Variants in AGPAT3 observed in about 807,000 individuals in gnomAD.
The protein encoded by AGPAT3 is 1-acylglycerol-3-phosphate O-acyltransferase 3, also known as 1-acyl-sn-glycerol-3-phosphate acyltransferase gamma.
Under a neutral mutation model 47.3 loss-of-function variants are expected in AGPAT3, and 5 were observed. The observed-to-expected ratio is 0.11, with a 90% CI of 0.06 to 0.22. The LOEUF is 0.22. Ranked by LOEUF, AGPAT3 falls within the 10% of genes least tolerant of loss-of-function variation. AGPAT3 has a pLI of 1.00. For missense variants in AGPAT3, 315 were observed against 493.0 expected (o/e 0.64, Z 3.42); for synonymous variants, 212 against 208.3 (o/e 1.02, Z -0.15).
rs542147346 is a variant in AGPAT3, at chr21:43,978,282, G to GTTTTGTTTTGTTTTTGT, written c.843+176_843+192dup. 1.6e-3 allele frequency among the ~76,000 whole-genome samples: 247 copies of GTTTTGTTTTGTTTTTGT among 152,248 alleles called. 1 individual carries two copies. Among genetic ancestry groups the GTTTTGTTTTGTTTTTGT allele is most frequent in the Non-Finnish European group, 2.7e-3 (181 of 68,022 alleles). On this transcript the variant is annotated intron_variant, in intron 8 of 9. Transcript: ENST00000291572. ...CCTTCTTTCATTTCTTCTTTCTGTT[G>GTTTTGTTTTGTTTTTGT]TTTTGTTTTGTTTTTGTTTTTGTTT... is the stretch of plus-strand genomic sequence containing the variant.
intron 1 of AGPAT3, among the ~76,000 whole-genome samples, chr21:43,884,459 G>A (rs977383528): frequency 1.3e-5 from 2 of 152,150 alleles, no homozygotes; most frequent in African/African-American, 4.8e-5. Context: ...CGAAAGAGCC[G>A]CACAGTCCCT....
chr21:43,916,540 AC>A (rs893841078), intron 2 of AGPAT3: 5 of 131,152 alleles, frequency 3.8e-5, no homozygotes, highest in African/African-American at 1.6e-4. Context: ...AAGATATTGA[AC>A]CCTTTTTTTT....
chr21:43,968,995 G>C, intron 4 of AGPAT3, 123 bp from the exon 5 acceptor site: 1 of 1,032,498 alleles, frequency 9.7e-7, no homozygotes, highest in East Asian at 2.6e-5. Context: ...GACCCCCTGA[G>C]CCACAAAGCC....
At chr21:43,897,345 A>G (rs7278539) in intron 1 of AGPAT3, among the ~76,000 whole-genome samples, 46,079 of 151,566 alleles carry the variant, frequency 0.3, 7,754 homozygotes, top group Non-Finnish European at 0.38. Context: ...GGAGTCTCCT[A>G]TGTCTACTTC....
In AGPAT3 at chr21:43,922,941, G is replaced by T. The variant is rs1490775414; in HGVS notation, c.-49+18922G>T. Among the ~76,000 whole-genome samples, 2 of 152,214 alleles carry T rather than the reference G, an allele frequency of 1.3e-5. No individual in the cohort carries two copies. The highest frequency in any genetic ancestry group is 2.9e-5 in the Non-Finnish European group (2 of 68,018). Reference sequence around the variant, plus strand: ...TGTCCCCAGCGGGGCGGGCTCTGGGGTGCGAGCGTCTGTTCTGTGTCAGGA... The same window carrying T: ...TGTCCCCAGCGGGGCGGGCTCTGGGTTGCGAGCGTCTGTTCTGTGTCAGGA... On this transcript the variant is annotated intron_variant, in intron 2 of 9. Coordinates refer to ENST00000291572, the MANE Select transcript of AGPAT3 (RefSeq NM_020132.5). This position sits in a 1 kb window ranked among gnomAD's most constrained non-coding sequence, Gnocchi z 4.9.
chr21:43,893,539 C>T (rs1458725959), intron 1 of AGPAT3, among the ~76,000 whole-genome samples: 1 of 152,268 alleles, frequency 6.6e-6, no homozygotes, highest in Non-Finnish European at 1.5e-5. Flanking sequence ...GCCCAAGAGG[C>T]CCAGCTTTCG....
intron 1 of AGPAT3, among the ~76,000 whole-genome samples, chr21:43,877,735 C>T (rs915413805): frequency 3.9e-5 from 6 of 152,108 alleles, no homozygotes; most frequent in Non-Finnish European, 4.4e-5. Context: ...TGAGCCACTG[C>T]GCCTGGCTGA....
At chr21:43,902,395 A>C (rs546131438) in intron 1 of AGPAT3, among the ~76,000 whole-genome samples, 36 of 152,378 alleles carry the variant, frequency 2.4e-4, no homozygotes, top group African/African-American at 8.4e-4. Context: ...AAAATATGCG[A>C]TATATACACT....
chr21:43,917,190 C>T (rs1049869138), intron 2 of AGPAT3, among the ~76,000 whole-genome samples: 48 of 150,706 alleles, frequency 3.2e-4, no homozygotes, highest in Non-Finnish European at 1.0e-4. Context: ...CCCCCACACA[C>T]GTACCGCTGT....
Position 43,869,273 on chromosome 21 carries a change from T to G in AGPAT3, c.-112+3928T>G, listed in dbSNP as rs185628782. 3.9e-5 allele frequency among the ~76,000 whole-genome samples: 6 copies of G among 152,342 alleles called. No homozygotes were observed. The East Asian group carries it at 1.2e-3, about 29-fold the overall frequency. On this transcript the variant is annotated intron_variant, in intron 1 of 9. Transcript: ENST00000291572. Reference sequence around the variant, plus strand: ...CTCATGTGAAGAATGTGCTGATGATTGGGTTAAGCTTTTCATAGATTGATT... The same window carrying G: ...CTCATGTGAAGAATGTGCTGATGATGGGGTTAAGCTTTTCATAGATTGATT...
chr21:43,960,837 T>A lies in AGPAT3; in HGVS notation c.178+978T>A, dbSNP rs1339401866. The A allele has an allele frequency of 4.3e-6, 4 of 938,096 alleles. No homozygotes were observed. In the African/African-American group the frequency reaches 7.1e-5, roughly 17 times the overall value. The allele number at this position is 938,096 out of a possible 1,614,324, so 58.1% of individuals were successfully genotyped here. ...GGATGCTGTGTGTGTGGTGTGTACA[T>A]GTGTGGAAAAATCCCAGAAGGGGCT... On this transcript the variant is annotated intron_variant, in intron 3 of 9. Transcript: ENST00000291572.
At position 43,970,789 on chromosome 21, in the gene AGPAT3, A is replaced by C; in HGVS notation, c.647A>C (p.Lys216Thr). The C allele has an allele frequency of 6.3e-7, 1 of 1,590,144 alleles. No individual in the cohort carries two copies. The highest frequency in any genetic ancestry group is 1.3e-5 in the African/African-American group (1 of 74,410). Residue 216 changes from lysine to threonine, a missense_variant, in exon 6 of 10, where the codon AAG (lysine) becomes ACG (threonine). Coordinates refer to ENST00000291572, the MANE Select transcript of AGPAT3 (RefSeq NM_020132.5). This position sits in a 1 kb window ranked among gnomAD's most constrained non-coding sequence, Gnocchi z 5.8. ...ACCAAGGGCTTCACCACCGCAGTCA[A>C]GTGCCTCCGGGGGACAGGTAGGCCC... ...PRTKGFTTAV[K>T]CLRGTVAAVY...
rs1373822299 is a variant in AGPAT3 at position 43,934,261 on chromosome 21, A to G, written c.-48-25373A>G. On this transcript the variant is annotated intron_variant, in intron 2 of 9. Coordinates refer to ENST00000291572, the MANE Select transcript of AGPAT3 (RefSeq NM_020132.5). This position sits in a 1 kb window ranked among gnomAD's most constrained non-coding sequence, Gnocchi z 4.7. ...CAGCCCCCCAAGGACCAGCTCCCAC[A>G]CACCAGCCCTCTCACCGCGGTGTGC... Among the ~76,000 whole-genome samples the G allele has an allele frequency of 6.6e-6, 1 of 152,182 alleles. No homozygotes were observed.
intron 2 of AGPAT3, among the ~76,000 whole-genome samples, chr21:43,910,535 T>A (rs1267727522): frequency 6.6e-6 from 1 of 152,216 alleles, no homozygotes; most frequent in Admixed American, 6.5e-5. Flanking sequence ...GGTGAAGTCC[T>A]AATACAGTGA....
At chr21:43,929,875 G>A (rs2838439) in intron 2 of AGPAT3, among the ~76,000 whole-genome samples, 116,139 of 152,170 alleles carry the variant, frequency 0.76, 44,412 homozygotes, top group Admixed American at 0.84. Context: ...CTAAATCCAG[G>A]TAGACAGGTT....
chr21:43,914,113 C>G (rs1273188025), intron 2 of AGPAT3, among the ~76,000 whole-genome samples: 1 of 152,184 alleles, frequency 6.6e-6, no homozygotes, highest in Non-Finnish European at 1.5e-5. Flanking sequence ...GCCTGTTGCT[C>G]TGTGTCGTGG....
rs771718555 is a variant in AGPAT3, at chr21:43,970,699, G to A, written c.557G>A (p.Arg186His). The A allele has an allele frequency of 8.7e-6, 14 of 1,613,746 alleles. No homozygotes were observed. Among genetic ancestry groups the A allele is most frequent in the Admixed American group, 8.3e-5 (5 of 59,996 alleles). ...ACGCGCTTCACGGAGACCAAGCACC[G>A]CGTTAGCATGGAGGTGGCGGCTGCT... ...EGTRFTETKHRVSMEVAAAKG... is the reference protein window; with the variant it reads ...EGTRFTETKHHVSMEVAAAKG... The change falls in exon 6 of 10, where the codon CGC becomes CAC. Residue 186 changes from arginine to histidine, a missense_variant. Physicochemically the swap from Arg to His is conservative, Grantham distance 29. Transcript: ENST00000291572. The surrounding 1 kb of genome is among the most constrained non-coding windows in gnomAD (Gnocchi z 5.8).
chr21:43,958,469 G>A (rs1234639111), intron 2 of AGPAT3, among the ~76,000 whole-genome samples: 2 of 151,322 alleles, frequency 1.3e-5, no homozygotes, highest in South Asian at 2.1e-4. Flanking sequence ...GTGGTTTGTG[G>A]TATGGTGCTT....
chr21:43,918,084 G>A (rs2086793002), intron 2 of AGPAT3, among the ~76,000 whole-genome samples: 1 of 147,770 alleles, frequency 6.8e-6, no homozygotes, highest in African/African-American at 2.5e-5. Context: ...TGTTGTGGGT[G>A]TTGTGGGTGT....
Sources: gnomAD v4.1 joint callset for allele counts (sites outside exome capture counted in the v4.1 genomes callset) on GRCh38, gnomAD v4.1.1 for gene constraint, Gnocchi (gnomAD v3.1) non-coding constraint, MANE v1.5 for transcripts, NCBI Gene and HGNC (gene_info 2026-07-23, HGNC 2026-07-21) for gene names.